SHISA9: variants seen among roughly 807,000 people sequenced by gnomAD.
The protein encoded by SHISA9 is protein shisa-9.
A neutral mutation model predicts 38.0 loss-of-function variants in SHISA9; 13 were observed. That is an observed-to-expected ratio of 0.34 (90% CI 0.22 to 0.54). The LOEUF (loss-of-function observed/expected upper bound fraction) is 0.54, where lower values mean the gene tolerates loss of function less well. Among genes scored for constraint, SHISA9 ranks in the 20% least tolerant of loss-of-function variants. The probability of loss-of-function intolerance (pLI) is 0.91; values close to 1 mark genes in which losing one functional copy is unlikely to be tolerated. For missense variants in SHISA9, 538 were observed against 575.8 expected (o/e 0.93, Z 0.67); for synonymous variants, 275 against 242.0 (o/e 1.14, Z -1.27).
chr16:13,079,969 G>A (rs559992887), intron 2 of SHISA9, among the ~76,000 whole-genome samples: 1 of 152,306 alleles, frequency 6.6e-6, no homozygotes, highest in Non-Finnish European at 1.5e-5. Flanking sequence ...TTCCTAGCAT[G>A]AAGGAAATCA....
At chr16:13,161,977 G>A (rs1436027820) in intron 2 of SHISA9, among the ~76,000 whole-genome samples, 1 of 152,012 alleles carries the variant, frequency 6.6e-6, no homozygotes, top group Non-Finnish European at 1.5e-5. Context: ...TCTTTTTTAG[G>A]CTGTTAATAT....
At chr16:13,152,598 A>C (rs1019546235) in intron 2 of SHISA9, among the ~76,000 whole-genome samples, 1 of 152,094 alleles carries the variant, frequency 6.6e-6, no homozygotes, top group Non-Finnish European at 1.5e-5. Context: ...GGGTCACTCA[A>C]CTCAAGATTC....
rs186623013 is a variant in SHISA9 at position 12,930,053 on chromosome 16, A to T, written c.691+13238A>T. Among the ~76,000 whole-genome samples the T allele has an allele frequency of 7.2e-5, 11 of 152,240 alleles. No homozygotes were observed. In the East Asian group the frequency reaches 2.1e-3, roughly 29 times the overall value. On this transcript the variant is annotated intron_variant, in intron 2 of 4. Transcript: ENST00000558583. ...CACTGTTTTATTTTCATCATAGTTC[A>T]TATACTACCTAAAGTCATCTTGTCT...
In SHISA9 at chr16:12,924,943, T is replaced by C. The variant is rs113762183; in HGVS notation, c.691+8128T>C. Among the ~76,000 whole-genome samples, 848 of 152,320 alleles carry C rather than the reference T, an allele frequency of 5.6e-3. 7 individuals are homozygous for C. Among genetic ancestry groups the C allele is most frequent in the African/African-American group, 0.02 (814 of 41,566 alleles). ...AAACTATGTCTACCTTACAAGGTTG[T>C]TGTGAGGATTAATTAACACATGTAA... On this transcript the variant is annotated intron_variant, in intron 2 of 4. Transcript: ENST00000558583.
At chr16:13,459,077 C>T in the SHISA9 span, among the ~76,000 whole-genome samples, 1 of 152,066 alleles carries the variant, frequency 6.6e-6, no homozygotes, top group African/African-American at 2.4e-5. Context: ...TGGTCTCGAA[C>T]TGCTGACCTC....
the SHISA9 span, among the ~76,000 whole-genome samples, chr16:13,319,672 C>G: frequency 6.6e-6 from 1 of 151,962 alleles, no homozygotes; most frequent in African/African-American, 2.4e-5. Flanking sequence ...GTAATCCCTC[C>G]TTTCCATCCA....
At chr16:13,251,763 A>G in the SHISA9 span, among the ~76,000 whole-genome samples, 16 of 152,268 alleles carry the variant, frequency 1.1e-4, 1 homozygote, top group South Asian at 1.9e-3. Context: ...ACCTTGCTCA[A>G]GTTCTGGTTT....
the SHISA9 span, among the ~76,000 whole-genome samples, chr16:13,502,372 T>A: frequency 6.6e-6 from 1 of 152,152 alleles, no homozygotes; most frequent in African/African-American, 2.4e-5. Flanking sequence ...AGACGTAGCC[T>A]TCACCTAGGA....
chr16:13,520,414 A>G, the SHISA9 span, among the ~76,000 whole-genome samples: 1 of 151,832 alleles, frequency 6.6e-6, no homozygotes, highest in African/African-American at 2.4e-5. Context: ...CCTTGCCAAC[A>G]TGGTGAAACC....
chr16:13,226,260 C>A (rs531420811), intron 4 of SHISA9, among the ~76,000 whole-genome samples: 1 of 152,184 alleles, frequency 6.6e-6, no homozygotes, highest in African/African-American at 2.4e-5. Flanking sequence ...AATGATTCAT[C>A]CATCTAACCT....
the SHISA9 span, among the ~76,000 whole-genome samples, chr16:13,299,583 A>G: frequency 1.2e-3 from 180 of 152,118 alleles, no homozygotes; most frequent in African/African-American, 4.3e-3. Context: ...GTGTGGTAGT[A>G]TATGCCTGTA....
the SHISA9 span, among the ~76,000 whole-genome samples, chr16:13,312,094 AT>A: frequency 6.6e-6 from 1 of 152,204 alleles, no homozygotes; most frequent in Non-Finnish European, 1.5e-5. Flanking sequence ...ATTCTTCAAA[AT>A]ATTTTAGCCC....
At chr16:13,532,165 C>G in the SHISA9 span, among the ~76,000 whole-genome samples, 1 of 152,202 alleles carries the variant, frequency 6.6e-6, no homozygotes, top group South Asian at 2.1e-4. Flanking sequence ...CTTATCCCTG[C>G]TCTGAATAGA....
the SHISA9 span, among the ~76,000 whole-genome samples, chr16:13,282,672 T>C: frequency 6.6e-6 from 1 of 152,228 alleles, no homozygotes; most frequent in South Asian, 2.1e-4. Flanking sequence ...AGGACTCTGT[T>C]ACATTTTTTT....
chr16:12,973,754 A>T (rs1486035615), intron 2 of SHISA9, among the ~76,000 whole-genome samples: 2 of 152,160 alleles, frequency 1.3e-5, no homozygotes, highest in Non-Finnish European at 2.9e-5. Context: ...AGAGGTGGGG[A>T]TAGTAGCACT....
chr16:13,529,140 CA>C, the SHISA9 span, among the ~76,000 whole-genome samples: 1 of 152,108 alleles, frequency 6.6e-6, no homozygotes, highest in Non-Finnish European at 1.5e-5. Context: ...CACAATTAAC[CA>C]GAGTGAATGT....
chr16:13,471,697 C>G, the SHISA9 span, among the ~76,000 whole-genome samples: 1 of 152,094 alleles, frequency 6.6e-6, no homozygotes, highest in African/African-American at 2.4e-5. Context: ...AAGAAATCAG[C>G]TTTTATGTGT....
the SHISA9 span, among the ~76,000 whole-genome samples, chr16:13,525,225 C>A: frequency 1.3e-5 from 2 of 152,196 alleles, no homozygotes; most frequent in African/African-American, 4.8e-5. Flanking sequence ...CTGAGCTAAT[C>A]CATTTTGTTA....
intron 2 of SHISA9, among the ~76,000 whole-genome samples, chr16:12,965,614 C>T (rs1167709657): frequency 6.6e-6 from 1 of 152,160 alleles, no homozygotes; most frequent in Non-Finnish European, 1.5e-5. Context: ...TAGGAGGTGG[C>T]TGCTTTTTCA....
Sources: allele counts gnomAD v4.1 joint callset (sites outside exome capture counted in the v4.1 genomes callset), GRCh38; gene constraint gnomAD v4.1.1; transcripts MANE v1.5; gene names NCBI Gene and HGNC (gene_info 2026-07-23, HGNC 2026-07-21).